The following CHRNB4 variants were observed in gnomAD, a reference collection of about 807,000 sequenced individuals.
CHRNB4 encodes the protein neuronal acetylcholine receptor subunit beta-4.
Under a neutral mutation model 40.4 loss-of-function variants are expected in CHRNB4, and 23 were observed. The observed-to-expected ratio is 0.57, with a 90% confidence interval of 0.41 to 0.81. CHRNB4 has a LOEUF of 0.81. Among genes scored for constraint, CHRNB4 ranks in the 30% least tolerant of loss-of-function variants. CHRNB4 has a pLI of 0.00. For missense variants in CHRNB4, 568 were observed against 670.6 expected (o/e 0.85, Z 1.69); for synonymous variants, 285 against 274.4 (o/e 1.04, Z -0.38).
upstream of CHRNB4, chr15:78,661,073 C>G: frequency 1.7e-6 from 1 of 599,348 alleles, no homozygotes; most frequent in South Asian, 1.4e-5. Flanking sequence ...GCCCTTTGAC[C>G]TCTGGCGCGC....
At chr15:78,638,050 C>T (rs534942445) in intron 1 of CHRNB4, among the ~76,000 whole-genome samples, 6 of 152,322 alleles carry the variant, frequency 3.9e-5, no homozygotes, top group Admixed American at 3.9e-4. Context: ...TTGCCCAAGC[C>T]CATCTGGCAT....
chr15:78,635,320 G>T (rs72648899), intron 2 of CHRNB4, 119 bp downstream of exon 2: 1 of 1,249,066 alleles, frequency 8.0e-7, no homozygotes, highest in East Asian at 2.4e-5. Flanking sequence ...TCCCTGACAC[G>T]TACTGGTAAG....
upstream of CHRNB4, chr15:78,661,482 A>G (rs2054252893): frequency 1.9e-6 from 1 of 520,278 alleles, no homozygotes. Flanking sequence ...CTGGTTGAAT[A>G]TGGAGTTGAT....
rs866726298 is a variant in CHRNB4, at chr15:78,631,266, C to T, written c.249+22G>A. 3.7e-6 allele frequency: 6 copies of T among 1,613,936 alleles called. No individual in the cohort carries two copies. In the Middle Eastern group the frequency reaches 8.3e-4, roughly 222 times the overall value. On this transcript the variant is annotated intron_variant, in intron 3 of 5. Coordinates refer to ENST00000261751, the MANE Select transcript of CHRNB4 (RefSeq NM_000750.5). The stretch of plus-strand genomic sequence containing the variant: ...CCCTAAAGAAAAGATCTCTGGGGCT[C>T]AGGGCCCTTCAGGGCACTTACCTGT...
chr15:78,658,835 C>A (rs979767638), intron 1 of CHRNB4, among the ~76,000 whole-genome samples: 8 of 152,196 alleles, frequency 5.3e-5, no homozygotes, highest in Non-Finnish European at 2.9e-5. Context: ...GACCCTCCCC[C>A]AGAAATTCTA....
intron 6 of CHRNB4, among the ~76,000 whole-genome samples, chr15:78,651,438 C>T (rs972882329): frequency 1.3e-5 from 2 of 152,220 alleles, no homozygotes; most frequent in African/African-American, 4.8e-5. Flanking sequence ...CCTAAGTCTA[C>T]CATAGGCATT....
At chr15:78,641,248 C>G, upstream of CHRNB4, 1 of 969,938 alleles carries the variant, frequency 1.0e-6, no homozygotes. Context: ...GCTGGCGGGG[C>G]GGCGCTCACT....
In CHRNB4 at chr15:78,624,876, G is replaced by A. The variant is rs2053613786; in HGVS notation, c.*257C>T. The A allele has an allele frequency of 7.8e-7, 1 of 1,274,392 alleles. No individual in the cohort carries two copies. The highest frequency in any genetic ancestry group is 1.1e-6 in the Non-Finnish European group (1 of 950,958). The allele number at this position is 1,274,392 out of a possible 1,614,324, so 78.9% of individuals were successfully genotyped here. On this transcript the variant is annotated 3_prime_UTR_variant, in exon 6 of 6. Transcript: ENST00000261751. ...GTCATCTTTATCCCCATTGCCCGGT[G>A]CAGGGAAGGAAGACAGGCCAGAATT...
upstream of CHRNB4, among the ~76,000 whole-genome samples, chr15:78,645,620 T>C (rs528803540): frequency 4.6e-5 from 7 of 152,170 alleles, no homozygotes; most frequent in South Asian, 1.0e-3. Context: ...TAATGTACCA[T>C]CTATTGACTT....
upstream of CHRNB4, among the ~76,000 whole-genome samples, chr15:78,642,430 C>CT (rs2054088383): frequency 6.6e-6 from 1 of 152,218 alleles, no homozygotes; most frequent in South Asian, 2.1e-4. Flanking sequence ...AGCCTGGAGC[C>CT]TGTTGGGCTT....
chr15:78,640,263 T>G (rs1039666616), intron 1 of CHRNB4, among the ~76,000 whole-genome samples: 3 of 152,108 alleles, frequency 2.0e-5, no homozygotes. Flanking sequence ...CCTGGGTGAC[T>G]GTAGGAGCTA....
intron 1 of CHRNB4, among the ~76,000 whole-genome samples, chr15:78,640,748 T>G (rs1158596169): frequency 6.6e-6 from 1 of 152,218 alleles, no homozygotes; most frequent in Non-Finnish European, 1.5e-5. Flanking sequence ...CCTCCCAGAC[T>G]GCTGGGGATG....
In CHRNB4 at chr15:78,636,869, A is replaced by G. The variant is rs145255924; in HGVS notation, c.56-1282T>C. Among the ~76,000 whole-genome samples the G allele has an allele frequency of 2.6e-4, 40 of 152,348 alleles. 1 individual carries two copies. The East Asian group carries it at 4.6e-3, about 18-fold the overall frequency. ...TTACTACATTTCGAGGGTAACAGCA[A>G]GCAAAAACCAGAAACGGTTCCTGAC... On this transcript the variant is annotated intron_variant, in intron 1 of 5. Transcript: ENST00000261751.
chr15:78,625,093 C>T lies in CHRNB4; in HGVS notation c.*40G>A, dbSNP rs551606642. 3.0e-5 allele frequency: 49 copies of T among 1,613,320 alleles called. No individual in the cohort carries two copies. Among genetic ancestry groups the T allele is most frequent in the Non-Finnish European group, 4.1e-5 (48 of 1,179,986 alleles). Reference sequence around the variant, plus strand: ...AGAAAGAAGCAGCAAAGTGCCCACCCGGCCACTCACATCCTCTCACCCCAC... The same window carrying T: ...AGAAAGAAGCAGCAAAGTGCCCACCTGGCCACTCACATCCTCTCACCCCAC... On this transcript the variant is annotated 3_prime_UTR_variant, in exon 6 of 6. Coordinates refer to ENST00000261751, the MANE Select transcript of CHRNB4 (RefSeq NM_000750.5).
intron 5 of CHRNB4, chr15:78,626,386 T>TC (rs2053661881): frequency 1.0e-5 from 1 of 97,824 alleles, no homozygotes; most frequent in Non-Finnish European, 2.2e-5. Flanking sequence ...GTGTGTGTGT[T>TC]TCCCCCTTTT....
chr15:78,661,021 T>C (rs1300231119), upstream of CHRNB4: 5 of 534,856 alleles, frequency 9.3e-6, no homozygotes, highest in African/African-American at 1.9e-5. Flanking sequence ...ATCTTTTTAA[T>C]AAGAGGGTAG....
At chr15:78,649,680 G>A (rs1295419160) in intron 6 of CHRNB4, among the ~76,000 whole-genome samples, 1 of 152,078 alleles carries the variant, frequency 6.6e-6, no homozygotes, top group Non-Finnish European at 1.5e-5. Flanking sequence ...TATAACATAC[G>A]TGGACATATA....
chr15:78,655,500 T>C (rs934896920), intron 5 of CHRNB4: 26 of 145,752 alleles, frequency 1.8e-4, no homozygotes, highest in Admixed American at 1.4e-3. Flanking sequence ...TAATTACATA[T>C]GTATATAAAA....
At position 78,624,975 on chromosome 15, in the gene CHRNB4, C is replaced by A; in HGVS notation, c.*158G>T. Reference sequence around the variant, plus strand: ...GGCATTCAGAGAGGACAGCCCAGGCCCCCATCCTTGCCTGTTCCACGGCTG... The same window carrying A: ...GGCATTCAGAGAGGACAGCCCAGGCACCCATCCTTGCCTGTTCCACGGCTG... On this transcript the variant is annotated 3_prime_UTR_variant, in exon 6 of 6. Coordinates refer to ENST00000261751, the MANE Select transcript of CHRNB4 (RefSeq NM_000750.5). The A allele has an allele frequency of 6.4e-7, 1 of 1,565,150 alleles. No individual in the cohort carries two copies. The highest frequency in any genetic ancestry group is 8.6e-7 in the Non-Finnish European group (1 of 1,163,242).
Sources: gnomAD v4.1 joint callset for allele counts (sites outside exome capture counted in the v4.1 genomes callset) on GRCh38, gnomAD v4.1.1 for gene constraint, MANE v1.5 for transcripts, NCBI Gene and HGNC (gene_info 2026-07-23, HGNC 2026-07-21) for gene names.